The following PARD3B variants were observed in gnomAD, a reference collection of about 807,000 sequenced individuals.
The protein encoded by PARD3B is par-3 family cell polarity regulator beta, also known as partitioning defective 3 homolog B.
A neutral mutation model predicts 130.2 loss-of-function variants in PARD3B; 103 were observed. The ratio of observed to expected loss-of-function variants is 0.79; its 90% CI spans 0.67 to 0.93. The LOEUF (loss-of-function observed/expected upper bound fraction) is 0.93, where lower values mean the gene tolerates loss of function less well. Among genes scored for constraint, PARD3B ranks in the 40% least tolerant of loss-of-function variants. PARD3B has a pLI of 0.00. For synonymous variants in PARD3B, 583 were observed against 553.2 expected, an observed-to-expected ratio of 1.05 and a Z score of -0.76; for missense variants, 1,609 against 1,499.2, an observed-to-expected ratio of 1.07 and a Z score of -1.21.
intron 4 of PARD3B, among the ~76,000 whole-genome samples, chr2:205,062,667 T>C (rs1438372426): frequency 6.6e-6 from 1 of 151,730 alleles, no homozygotes; most frequent in Non-Finnish European, 1.5e-5. Context: ...AAAGAAGTAA[T>C]GGATAAGCAA....
intron 15 of PARD3B, among the ~76,000 whole-genome samples, chr2:205,243,822 C>A (rs776179416): frequency 6.6e-6 from 1 of 152,144 alleles, no homozygotes; most frequent in East Asian, 1.9e-4. Flanking sequence ...ATAATACTTT[C>A]CAGGTCGTTG....
At chr2:204,598,614 A>T (rs1305739550) in intron 1 of PARD3B, among the ~76,000 whole-genome samples, 1 of 152,266 alleles carries the variant, frequency 6.6e-6, no homozygotes, top group Admixed American at 6.5e-5. Flanking sequence ...TGCTAAATTA[A>T]ATGTGTATGT....
intron 1 of PARD3B, among the ~76,000 whole-genome samples, chr2:204,618,754 G>A (rs181231351): frequency 6.6e-6 from 1 of 152,112 alleles, no homozygotes; most frequent in Non-Finnish European, 1.5e-5. Context: ...AAGTAGCAGA[G>A]AAGAAAGGAA....
intron 15 of PARD3B, among the ~76,000 whole-genome samples, chr2:205,204,684 A>G (rs1034587119): frequency 6.6e-6 from 1 of 152,166 alleles, no homozygotes; most frequent in Admixed American, 6.6e-5. Context: ...CAATTTTCCC[A>G]ACACCATTTA....
intron 2 of PARD3B, among the ~76,000 whole-genome samples, chr2:204,886,265 A>T (rs1394403319): frequency 6.6e-6 from 1 of 152,174 alleles, no homozygotes; most frequent in Non-Finnish European, 1.5e-5. Flanking sequence ...CATAAACCAG[A>T]GTCGAAAATT....
intron 2 of PARD3B, among the ~76,000 whole-genome samples, chr2:204,862,571 A>G (rs2045254275): frequency 6.6e-6 from 1 of 152,192 alleles, no homozygotes; most frequent in Non-Finnish European, 1.5e-5. Context: ...TAGATGGAAT[A>G]TATAAGGTTT....
chr2:204,845,984 T>C (rs1262664889), intron 2 of PARD3B, among the ~76,000 whole-genome samples: 4 of 152,038 alleles, frequency 2.6e-5, no homozygotes, highest in African/African-American at 7.2e-5. Flanking sequence ...AAAGAATATC[T>C]GCAGATTGGG....
At position 205,287,734 on chromosome 2, in the gene PARD3B, A is replaced by G. The variant is rs530321236; in HGVS notation, c.2186-12796A>G. Among the ~76,000 whole-genome samples, 1 of 152,272 alleles carries G rather than the reference A, an allele frequency of 6.6e-6. No individual in the cohort carries two copies. The highest frequency in any genetic ancestry group is 2.4e-5 in the African/African-American group (1 of 41,554). ...TCGGGGGAGAAAAGAGAGACAGTTT[A>G]GGATAAGTGGAGAGTTGTGACACTC... On this transcript the variant is annotated intron_variant, in intron 16 of 22. Transcript: ENST00000406610. This position sits in a 1 kb window ranked among gnomAD's most constrained non-coding sequence, Gnocchi z 4.8.
chr2:205,472,015 C>T (rs368581689), intron 20 of PARD3B, among the ~76,000 whole-genome samples: 3 of 152,120 alleles, frequency 2.0e-5, no homozygotes, highest in Non-Finnish European at 4.4e-5. Context: ...TCTGTCTGCA[C>T]GTAGTGTGTT....
intron 20 of PARD3B, among the ~76,000 whole-genome samples, chr2:205,442,368 G>A (rs1044011574): frequency 1.9e-4 from 28 of 144,198 alleles, no homozygotes; most frequent in African/African-American, 6.9e-4. Flanking sequence ...GTACGATCGC[G>A]GCTAACCGCA....
At chr2:204,762,535 G>C (rs1403444669) in intron 2 of PARD3B, among the ~76,000 whole-genome samples, 1 of 152,064 alleles carries the variant, frequency 6.6e-6, no homozygotes, top group Non-Finnish European at 1.5e-5. Flanking sequence ...TTCATCTATA[G>C]ACAGATATTT....
intron 18 of PARD3B, among the ~76,000 whole-genome samples, chr2:205,310,755 A>ACT (rs2105932524): frequency 9.3e-6 from 1 of 107,878 alleles, no homozygotes. Context: ...ACAGAGTCTC[A>ACT]CTCTGTCATC....
At chr2:205,107,371 A>G (rs996879352) in intron 5 of PARD3B, among the ~76,000 whole-genome samples, 6 of 152,172 alleles carry the variant, frequency 3.9e-5, no homozygotes, top group African/African-American at 9.7e-5. Flanking sequence ...GACTAATTAC[A>G]TTACTTCTTT....
Position 205,183,030 on chromosome 2 carries a change from G to A in PARD3B, c.1925-2734G>A, listed in dbSNP as rs766131267. On this transcript the variant is annotated intron_variant, in intron 13 of 22. Coordinates refer to ENST00000406610, the MANE Select transcript of PARD3B (RefSeq NM_001302769.2). This position sits in a 1 kb window ranked among gnomAD's most constrained non-coding sequence, Gnocchi z 5.2. ...AAGAGAGGAAGAGCACGGATAGAGT[G>A]GGCACTGGTCTTCTTGGCCACTGTT... 1.3e-5 allele frequency among the ~76,000 whole-genome samples: 2 copies of A among 152,172 alleles called. No homozygotes were observed. Among genetic ancestry groups the A allele is most frequent in the Non-Finnish European group, 2.9e-5 (2 of 68,016 alleles).
intron 18 of PARD3B, among the ~76,000 whole-genome samples, chr2:205,375,659 A>G (rs2045015216): frequency 6.6e-6 from 1 of 151,848 alleles, no homozygotes; most frequent in African/African-American, 2.4e-5. Flanking sequence ...GATGGAATTG[A>G]GAGAGAGAGA....
chr2:204,927,017 G>A (rs1037524532), intron 2 of PARD3B, among the ~76,000 whole-genome samples: 3 of 151,944 alleles, frequency 2.0e-5, no homozygotes, highest in African/African-American at 7.2e-5. Context: ...GCAGAATTAT[G>A]ATACCCCCCC....
At chr2:204,660,348 A>G (rs1007694068) in intron 1 of PARD3B, among the ~76,000 whole-genome samples, 6 of 152,218 alleles carry the variant, frequency 3.9e-5, no homozygotes, top group Non-Finnish European at 5.9e-5. Context: ...ACTTCCAAGT[A>G]TCCTAAAGAA....
At chr2:204,691,084 A>C (rs1446735256) in intron 2 of PARD3B, among the ~76,000 whole-genome samples, 1 of 152,158 alleles carries the variant, frequency 6.6e-6, no homozygotes, top group African/African-American at 2.4e-5. Flanking sequence ...AGGCCCTAAG[A>C]AGTCTGAAGA....
intron 7 of PARD3B, among the ~76,000 whole-genome samples, chr2:205,120,344 A>G (rs1174762969): frequency 6.6e-6 from 1 of 152,146 alleles, no homozygotes; most frequent in Admixed American, 6.6e-5. Context: ...AGCAAAAATA[A>G]CATAGGGGAA....
Sources: allele counts gnomAD v4.1 joint callset (sites outside exome capture counted in the v4.1 genomes callset), GRCh38; gene constraint gnomAD v4.1.1; non-coding constraint Gnocchi (gnomAD v3.1); transcripts MANE v1.5; gene names NCBI Gene and HGNC (gene_info 2026-07-23, HGNC 2026-07-21).